TXNDC12: variants seen among roughly 807,000 people sequenced by gnomAD.
TXNDC12 encodes thioredoxin domain-containing protein 12.
TXNDC12 carries 22 observed loss-of-function variants against 24.2 expected under a neutral mutation model. That is an observed-to-expected ratio of 0.91 (90% CI 0.65 to 1.30). The LOEUF (loss-of-function observed/expected upper bound fraction) is 1.30. Among genes scored for constraint, TXNDC12 ranks in the 50% most tolerant of loss-of-function variants. The pLI is 0.00. For synonymous variants in TXNDC12, 58 were observed against 73.4 expected, an observed-to-expected ratio of 0.79 and a Z score of 1.07; for missense variants, 184 against 205.8, an observed-to-expected ratio of 0.89 and a Z score of 0.65.
chr1:52,023,624 G>A (rs1477657765), intron 5 of TXNDC12, 50 bp from the exon 6 acceptor site: 6 of 1,442,086 alleles, frequency 4.2e-6, no homozygotes, highest in Middle Eastern at 3.5e-4. Context: ...CAACAGACAG[G>A]TACTTCAAAC....
chr1:52,033,002 G>A lies in TXNDC12; in HGVS notation c.159-4372C>T, dbSNP rs1203057436. ...GACTGCGTAGACTGATGGGGTGGTG[G>A]GGCCCGGTTCTCAAACAGGGCAGAG... On this transcript the variant is annotated intron_variant, in intron 2 of 6. Transcript: ENST00000371626. 1.3e-5 allele frequency: 21 copies of A among 1,560,724 alleles called. No individual in the cohort carries two copies. In the South Asian group the frequency reaches 2.3e-4, roughly 17 times the overall value.
At chr1:52,033,133 TC>T (rs778133579) in intron 2 of TXNDC12, 1 of 1,614,096 alleles carries the variant, frequency 6.2e-7, no homozygotes, top group Non-Finnish European at 8.5e-7. Context: ...CGTTAGGGCC[TC>T]CAGGAGTTCG....
intron 2 of TXNDC12, among the ~76,000 whole-genome samples, chr1:52,041,120 C>A (rs1480776522): frequency 1.3e-5 from 2 of 151,842 alleles, no homozygotes; most frequent in African/African-American, 4.8e-5. Context: ...ATCATGAGAT[C>A]AGGAGATTGA....
At position 52,020,606 on chromosome 1, in the gene TXNDC12, A is replaced by C. The variant is rs184116946; in HGVS notation, c.*327T>G. The C allele has an allele frequency of 2.8e-5, 9 of 323,522 alleles. No individual in the cohort carries two copies. In the East Asian group the frequency reaches 4.7e-4, roughly 17 times the overall value. The allele number at this position is 323,522 out of a possible 1,614,324, so 20.0% of individuals were successfully genotyped here. ...TGAGTAAAGTGGGAGGAAATGGGAA[A>C]AGACTCAAATACTTAAGTGCGAGGA... On this transcript the variant is annotated 3_prime_UTR_variant, in exon 7 of 7. Coordinates refer to ENST00000371626, the MANE Select transcript of TXNDC12 (RefSeq NM_015913.4).
At chr1:52,055,470 T>G, upstream of TXNDC12, 1 of 231,062 alleles carries the variant, frequency 4.3e-6, no homozygotes, top group Non-Finnish European at 8.7e-6. Context: ...GTCCAGCCCC[T>G]CCCCCCAAGA....
intron 2 of TXNDC12, among the ~76,000 whole-genome samples, chr1:52,040,768 C>T (rs1477045375): frequency 6.6e-6 from 1 of 152,028 alleles, no homozygotes; most frequent in Non-Finnish European, 1.5e-5. Context: ...TGGTGGCTCA[C>T]ATCTGTAATC....
intron 2 of TXNDC12, among the ~76,000 whole-genome samples, chr1:52,036,141 C>A (rs964200554): frequency 2.0e-5 from 3 of 152,116 alleles, no homozygotes; most frequent in Non-Finnish European, 4.4e-5. Context: ...CTGACACCAT[C>A]AAAAATCAGC....
chr1:52,030,888 C>T lies in TXNDC12; in HGVS notation c.159-2258G>A, dbSNP rs539664533. Among the ~76,000 whole-genome samples, 14 of 152,304 alleles carry T rather than the reference C, an allele frequency of 9.2e-5. 1 individual carries two copies. In the South Asian group the frequency reaches 2.9e-3, roughly 32 times the overall value. On this transcript the variant is annotated intron_variant, in intron 2 of 6. Transcript: ENST00000371626. ...ATATGTTAAAATTAATTGTAATTCA[C>T]ATTTCAGTGTAGTTTTATTAAAATA...
At chr1:52,021,697 G>C (rs903379588) in intron 6 of TXNDC12, among the ~76,000 whole-genome samples, 2 of 152,088 alleles carry the variant, frequency 1.3e-5, no homozygotes, top group African/African-American at 4.8e-5. Flanking sequence ...TTTCAGTATA[G>C]GCTCCTGAAT....
At chr1:52,035,950 T>G (rs892691543) in intron 2 of TXNDC12, among the ~76,000 whole-genome samples, 2 of 152,148 alleles carry the variant, frequency 1.3e-5, no homozygotes, top group Non-Finnish European at 2.9e-5. Context: ...GTTATTTTAG[T>G]AAACTTAGAA....
At chr1:52,040,529 T>C (rs560834523) in intron 2 of TXNDC12, among the ~76,000 whole-genome samples, 92 of 152,324 alleles carry the variant, frequency 6.0e-4, no homozygotes, top group African/African-American at 2.1e-3. Context: ...TAGATTTCTG[T>C]ATGTTTTATG....
intron 3 of TXNDC12, 113 bp downstream of exon 3, chr1:52,028,465 G>T: frequency 3.9e-6 from 3 of 772,578 alleles, no homozygotes; most frequent in South Asian, 3.6e-5. Context: ...TGTTTCTTTA[G>T]TATTCCTTAA....
At chr1:52,049,370 T>C (rs2124393047) in intron 1 of TXNDC12, among the ~76,000 whole-genome samples, 1 of 152,208 alleles carries the variant, frequency 6.6e-6, no homozygotes, top group African/African-American at 2.4e-5. Flanking sequence ...GGCGGGTGGA[T>C]CACAAGGTCA....
At chr1:52,037,044 A>G (rs1432313132) in intron 2 of TXNDC12, among the ~76,000 whole-genome samples, 1 of 152,148 alleles carries the variant, frequency 6.6e-6, no homozygotes. Context: ...TCAACGATAT[A>G]ATCCTCCTAA....
At chr1:52,031,359 C>T (rs1024565197) in intron 2 of TXNDC12, among the ~76,000 whole-genome samples, 2 of 151,664 alleles carry the variant, frequency 1.3e-5, no homozygotes, top group African/African-American at 4.8e-5. Flanking sequence ...GGGGTTTCAC[C>T]ATGTTGGTCA....
chr1:52,052,884 C>T (rs1013878652), intron 1 of TXNDC12, among the ~76,000 whole-genome samples: 4 of 152,076 alleles, frequency 2.6e-5, no homozygotes, highest in African/African-American at 9.7e-5. Flanking sequence ...AGATGAGGAA[C>T]GGAGGCTTTG....
intron 2 of TXNDC12, chr1:52,034,019 C>G (rs1248363482): frequency 1.4e-6 from 2 of 1,381,104 alleles, no homozygotes; most frequent in African/African-American, 2.9e-5. Flanking sequence ...CTTCCTGCAG[C>G]GAAAGACTGC....
At chr1:52,024,612 T>A in intron 4 of TXNDC12, 33 bp from the exon 5 acceptor site, 12 of 1,534,784 alleles carry the variant, frequency 7.8e-6, no homozygotes, top group Non-Finnish European at 1.1e-5. Flanking sequence ...TTAAGTCAGA[T>A]AACGTCCTCT....
At chr1:52,037,457 C>T (rs777119636) in intron 2 of TXNDC12, among the ~76,000 whole-genome samples, 8 of 152,062 alleles carry the variant, frequency 5.3e-5, no homozygotes, top group Admixed American at 1.3e-4. Flanking sequence ...GGTGATCCCC[C>T]GACCTCGGCC....
Sources: allele counts gnomAD v4.1 joint callset (sites outside exome capture counted in the v4.1 genomes callset), GRCh38; gene constraint gnomAD v4.1.1; transcripts MANE v1.5; gene names NCBI Gene and HGNC (gene_info 2026-07-23, HGNC 2026-07-21).